Variants in TBC1D8 observed in about 807,000 individuals in gnomAD.
The protein encoded by TBC1D8 is BUB2-like protein 1.
In TBC1D8, 65 loss-of-function variants were observed where a neutral mutation model predicts 118.8. The observed-to-expected ratio is 0.55, with a 90% CI of 0.45 to 0.67. The LOEUF (loss-of-function observed/expected upper bound fraction) is 0.67. Among genes scored for constraint, TBC1D8 ranks in the 30% least tolerant of loss-of-function variants. The probability of loss-of-function intolerance (pLI) is 0.00; values close to 1 mark genes in which losing one functional copy is unlikely to be tolerated. For synonymous variants in TBC1D8, 566 were observed against 595.8 expected, an observed-to-expected ratio of 0.95 and a Z score of 0.73; for missense variants, 1,376 against 1,471.2, an observed-to-expected ratio of 0.94 and a Z score of 1.06.
intron 5 of TBC1D8, among the ~76,000 whole-genome samples, chr2:101,048,097 T>C (rs114674527): frequency 3.9e-5 from 6 of 152,296 alleles, no homozygotes; most frequent in Non-Finnish European, 8.8e-5. Context: ...CACACGCCCA[T>C]GTGCCCCACA....
At chr2:101,021,133 C>G (rs1680006776) in intron 17 of TBC1D8, among the ~76,000 whole-genome samples, 1 of 152,152 alleles carries the variant, frequency 6.6e-6, no homozygotes, top group East Asian at 1.9e-4. Flanking sequence ...ACAGAGCCCT[C>G]TGGGATTTCT....
At chr2:101,100,760 A>T (rs1676772765) in intron 1 of TBC1D8, among the ~76,000 whole-genome samples, 1 of 152,206 alleles carries the variant, frequency 6.6e-6, no homozygotes, top group Admixed American at 6.6e-5. Flanking sequence ...CTGATCTTCA[A>T]CAAACCTGAC....
At chr2:101,047,350 A>G (rs1214283154) in intron 5 of TBC1D8, among the ~76,000 whole-genome samples, 2 of 152,340 alleles carry the variant, frequency 1.3e-5, no homozygotes, top group East Asian at 1.9e-4. Flanking sequence ...CTAATTGGCA[A>G]TCTGAGGCTC....
At chr2:101,031,716 TTTC>T (rs1229833429) in intron 11 of TBC1D8, among the ~76,000 whole-genome samples, 1 of 152,132 alleles carries the variant, frequency 6.6e-6, no homozygotes, top group Non-Finnish European at 1.5e-5. Flanking sequence ...GCCAACGAGC[TTTC>T]TTAAGATGTC....
chr2:101,040,535 G>C, intron 5 of TBC1D8, 150 bp from the exon 6 acceptor site: 1 of 748,778 alleles, frequency 1.3e-6, no homozygotes, highest in South Asian at 1.8e-5. Context: ...AGTGGTGCGA[G>C]CTCAGCTCAC....
intron 19 of TBC1D8, among the ~76,000 whole-genome samples, chr2:101,009,548 A>T (rs941734517): frequency 1.3e-5 from 2 of 152,168 alleles, no homozygotes; most frequent in African/African-American, 2.4e-5. Flanking sequence ...TAGAAAAAAA[A>T]AGGTTATGTG....
chr2:101,076,516 A>G (rs149835474), intron 2 of TBC1D8, among the ~76,000 whole-genome samples: 41 of 152,336 alleles, frequency 2.7e-4, no homozygotes, highest in Admixed American at 2.2e-3. Context: ...CTTTATTAGT[A>G]ACTTCCAGTT....
chr2:101,113,817 G>A (rs892375181), intron 1 of TBC1D8, among the ~76,000 whole-genome samples: 13 of 152,192 alleles, frequency 8.5e-5, no homozygotes, highest in Non-Finnish European at 1.5e-4. Context: ...AAAAACGGTT[G>A]CTCTGCGGCG....
intron 14 of TBC1D8, among the ~76,000 whole-genome samples, chr2:101,027,702 G>C (rs1247175406): frequency 4.6e-5 from 7 of 152,224 alleles, no homozygotes; most frequent in Admixed American, 4.6e-4. Flanking sequence ...AAGCCAGGAA[G>C]CTAGCAGAGA....
chr2:101,007,235 A>G lies in TBC1D8; in HGVS notation c.*586T>C, dbSNP rs1678786818. 6.6e-6 allele frequency: 1 copy of G among 152,524 alleles called. No individual in the cohort carries two copies. Among genetic ancestry groups the G allele is most frequent in the East Asian group, 1.9e-4 (1 of 5,190 alleles). The allele number at this position is 152,524 out of a possible 1,614,324, so 9.4% of individuals were successfully genotyped here. A position where few individuals can be genotyped will look rare whatever the true frequency, so the allele number is the denominator to read the frequency against. ...TAAAAGAAAAGGACCAAGTAAATAC[A>G]AAAAGTTTCTTATTAAAAAACTTGG... On this transcript the variant is annotated 3_prime_UTR_variant, in exon 20 of 20. Transcript: ENST00000409318.
At chr2:101,146,050 T>C (rs1177008123) in intron 1 of TBC1D8, among the ~76,000 whole-genome samples, 1 of 85,726 alleles carries the variant, frequency 1.2e-5, no homozygotes, top group African/African-American at 5.9e-5. Flanking sequence ...CCTTGATGTA[T>C]ACTGTTTATT....
In TBC1D8 at chr2:101,053,973, T is replaced by A. The variant is rs985696489; in HGVS notation, c.631+135A>T. The A allele has an allele frequency of 2.2e-5, 17 of 767,774 alleles. No homozygotes were observed. In the African/African-American group the frequency reaches 2.6e-4, roughly 12 times the overall value. 47.6% of individuals were successfully genotyped at this position (767,774 alleles called of 1,614,324 possible). A position where few individuals can be genotyped will look rare whatever the true frequency, so the allele number is the denominator to read the frequency against. ...TGCTAGCAGTAGCATATATAAGTAA[T>A]CAAGTGTCACCTGGTGTCATCTCCA... is the stretch of plus-strand genomic sequence containing the variant. On this transcript the variant is annotated intron_variant, in intron 4 of 19. Transcript: ENST00000409318.
chr2:101,076,729 G>A (rs1244433267), intron 2 of TBC1D8, among the ~76,000 whole-genome samples: 4 of 152,208 alleles, frequency 2.6e-5, no homozygotes, highest in Middle Eastern at 3.2e-3. Context: ...TTATGAAAGA[G>A]ATCTGCTCTA....
At chr2:101,101,950 C>T (rs991806686) in intron 1 of TBC1D8, among the ~76,000 whole-genome samples, 2 of 151,750 alleles carry the variant, frequency 1.3e-5, no homozygotes, top group Non-Finnish European at 2.9e-5. Context: ...GTACAGCAAA[C>T]CACCATGGTA....
chr2:101,018,970 CA>C (rs760829461), intron 17 of TBC1D8: 25 of 1,608,638 alleles, frequency 1.6e-5, no homozygotes, highest in Non-Finnish European at 2.1e-5. Context: ...GACATGGTAC[CA>C]AATCATCTGT....
intron 1 of TBC1D8, among the ~76,000 whole-genome samples, chr2:101,146,148 C>A (rs1380062458): frequency 2.0e-5 from 3 of 152,130 alleles, no homozygotes; most frequent in Non-Finnish European, 4.4e-5. Context: ...CAGTCTCTAA[C>A]CCTCCGAAGT....
chr2:101,025,221 T>C (rs1015930768), intron 15 of TBC1D8, among the ~76,000 whole-genome samples: 23 of 152,098 alleles, frequency 1.5e-4, no homozygotes, highest in South Asian at 4.1e-4. Flanking sequence ...CCTTTTTTTT[T>C]TTAATTTTTA....
intron 1 of TBC1D8, among the ~76,000 whole-genome samples, chr2:101,105,602 A>AAAC (rs1677151342): frequency 1.5e-5 from 2 of 137,108 alleles, no homozygotes; most frequent in South Asian, 4.6e-4. Flanking sequence ...TAAAAAAAAA[A>AAAC]AAAAAACATA....
intron 1 of TBC1D8, among the ~76,000 whole-genome samples, chr2:101,134,187 TCTCTCTCTCTCACACA>T (rs1678728584): frequency 1.1e-5 from 1 of 95,022 alleles, no homozygotes; most frequent in Admixed American, 1.1e-4. Flanking sequence ...TCTCTCTCTC[TCTCTCTCTCTCACACA>T]CACACACACA....
Sources: gnomAD v4.1 joint callset for allele counts (sites outside exome capture counted in the v4.1 genomes callset) on GRCh38, gnomAD v4.1.1 for gene constraint, MANE v1.5 for transcripts, NCBI Gene and HGNC (gene_info 2026-07-23, HGNC 2026-07-21) for gene names.